SLC25A25: variants seen among roughly 807,000 people sequenced by gnomAD.
The protein encoded by SLC25A25 is solute carrier family 25 member 25.
SLC25A25 carries 32 observed loss-of-function variants against 57.7 expected under a neutral mutation model. The observed-to-expected ratio is 0.55, with a 90% confidence interval of 0.42 to 0.74. SLC25A25 has a LOEUF of 0.74. Ranked by LOEUF, SLC25A25 falls within the 30% of genes least tolerant of loss-of-function variation. SLC25A25 has a pLI of 0.00. For synonymous variants in SLC25A25, 306 were observed against 291.2 expected, an observed-to-expected ratio of 1.05 and a Z score of -0.52; for missense variants, 556 against 701.3, an observed-to-expected ratio of 0.79 and a Z score of 2.34.
At chr9:128,084,260 A>AT (rs58266648) in intron 1 of SLC25A25, among the ~76,000 whole-genome samples, 58 of 140,350 alleles carry the variant, frequency 4.1e-4, no homozygotes, top group African/African-American at 1.3e-3. Context: ...ATTAAAACAG[A>AT]TTTTTTTTTT....
intron 6 of SLC25A25, among the ~76,000 whole-genome samples, chr9:128,105,526 A>G (rs774200609): frequency 1.1e-4 from 17 of 152,140 alleles, no homozygotes; most frequent in Non-Finnish European, 7.4e-5. Context: ...GCTGGCAACC[A>G]GCAGATACCC....
chr9:128,089,178 C>T (rs1454100031), intron 1 of SLC25A25, among the ~76,000 whole-genome samples: 1 of 152,138 alleles, frequency 6.6e-6, no homozygotes, highest in African/African-American at 2.4e-5. Flanking sequence ...AGACGTGAAC[C>T]ACCACTCCTG....
At chr9:128,088,573 G>A (rs1384318580) in intron 1 of SLC25A25, among the ~76,000 whole-genome samples, 1 of 152,190 alleles carries the variant, frequency 6.6e-6, no homozygotes, top group African/African-American at 2.4e-5. Flanking sequence ...GCAGGAAGCT[G>A]GGGCAATGGG....
rs375090418 is a variant in SLC25A25 at position 128,077,449 on chromosome 9, G to A, written c.261+8869G>A. Among the ~76,000 whole-genome samples the A allele has an allele frequency of 1.5e-4, 22 of 149,324 alleles. No individual in the cohort carries two copies. The East Asian group carries it at 2.6e-3, about 17-fold the overall frequency. ...GGAGAATGGCGTGAACCCGGGAGGC[G>A]GAGCTTGCAGTGAGCCGAGATCGCG... On this transcript the variant is annotated intron_variant, in intron 1 of 10. Coordinates refer to ENST00000373069, the MANE Select transcript of SLC25A25 (RefSeq NM_001330988.2).
chr9:128,084,455 G>C (rs1014838121), intron 1 of SLC25A25, among the ~76,000 whole-genome samples: 2 of 151,934 alleles, frequency 1.3e-5, no homozygotes, highest in Non-Finnish European at 2.9e-5. Flanking sequence ...GAGCCACCGC[G>C]CCTGGCCTGA....
chr9:128,102,436 C>A lies in SLC25A25; in HGVS notation c.579C>A (p.Pro193=), dbSNP rs576891746. Residue 193 remains proline, a synonymous_variant, in exon 5 of 11, where the codon CCC becomes CCA. Transcript: ENST00000373069. The surrounding 1 kb of genome is among the most constrained non-coding windows in gnomAD (Gnocchi z 4.1). ...GGAGAGACTACCACCTCCTCCACCC[C>A]GTGGAAAACATCCCCGAGATCATCC... ...NEWRDYHLLH[P]VENIPEIILY... 3 of 1,613,916 alleles carry A rather than the reference C, an allele frequency of 1.9e-6. No homozygotes were observed. Among genetic ancestry groups the A allele is most frequent in the Non-Finnish European group, 2.5e-6 (3 of 1,179,988 alleles).
At position 128,107,397 on chromosome 9, in the gene SLC25A25, G is replaced by T. The variant is rs755047936; in HGVS notation, c.1501G>T (p.Val501Leu). ...CATCCCAGCTGTGAGCATCAGCTAC[G>T]TGGTCTACGAGAACCTGAAGATCAC... Reference protein sequence around the residue: ...KVIPAVSISYVVYENLKITLG... With the variant: ...KVIPAVSISYLVYENLKITLG... The change falls in exon 11 of 11, where the codon GTG (valine) becomes TTG (leucine). Residue 501 changes from valine (V) to leucine (L), a missense_variant. By Grantham distance (32) the Val-to-Leu change is conservative. Transcript: ENST00000373069. The T allele has an allele frequency of 1.3e-6, 2 of 1,510,842 alleles. No individual in the cohort carries two copies. Among genetic ancestry groups the T allele is most frequent in the Non-Finnish European group, 1.8e-6 (2 of 1,128,660 alleles). The allele number at this position is 1,510,842 out of a possible 1,614,324, so 93.6% of individuals were successfully genotyped here. A position where few individuals can be genotyped will look rare whatever the true frequency, so the allele number is the denominator to read the frequency against.
intron 1 of SLC25A25, among the ~76,000 whole-genome samples, chr9:128,093,895 A>G (rs972231638): frequency 6.6e-6 from 1 of 152,212 alleles, no homozygotes; most frequent in Admixed American, 6.5e-5. Context: ...CATGCCTGTA[A>G]TCCCAGCACT....
chr9:128,106,055 G>T (rs966863309), intron 7 of SLC25A25, 95 bp from the exon 8 acceptor site: 9 of 1,554,932 alleles, frequency 5.8e-6, no homozygotes, highest in Non-Finnish European at 7.1e-6. Flanking sequence ...TTTCTGGGTA[G>T]CATAAAATGT....
At chr9:128,096,754 A>G (rs1401635243) in intron 1 of SLC25A25, among the ~76,000 whole-genome samples, 1 of 152,226 alleles carries the variant, frequency 6.6e-6, no homozygotes, top group Non-Finnish European at 1.5e-5. Context: ...AGAGCCTTCT[A>G]CCTTCAAGGA....
At chr9:128,085,273 G>A (rs1026237436) in intron 1 of SLC25A25, among the ~76,000 whole-genome samples, 39 of 151,936 alleles carry the variant, frequency 2.6e-4, no homozygotes, top group South Asian at 8.3e-4. Flanking sequence ...GGAGGTTGTA[G>A]TGAACCAAGA....
Position 128,084,260 on chromosome 9 carries a change from ATTTT to A in SLC25A25, c.261+15697_261+15700del, listed in dbSNP as rs58266648. Among the ~76,000 whole-genome samples, 508 of 140,198 alleles carry A rather than the reference ATTTT, an allele frequency of 3.6e-3. 2 individuals carry two copies. The highest frequency in any genetic ancestry group is 0.011 in the South Asian group (47 of 4,314). 92.0% of individuals were successfully genotyped at this position (140,198 alleles called of 152,430 possible). On this transcript the variant is annotated intron_variant, in intron 1 of 10. Coordinates refer to ENST00000373069, the MANE Select transcript of SLC25A25 (RefSeq NM_001330988.2). ...CCGACCAGCATTAACATTAAAACAGATTTTTTTTTTTTTTTTTTTTGATACAGTC... is the reference window on the plus strand; with the variant it reads ...CCGACCAGCATTAACATTAAAACAGATTTTTTTTTTTTTTTTGATACAGTC...
chr9:128,097,584 A>T (rs1196425688), intron 1 of SLC25A25, among the ~76,000 whole-genome samples: 2 of 152,156 alleles, frequency 1.3e-5, no homozygotes, highest in Non-Finnish European at 1.5e-5. Flanking sequence ...GTGTGCCACC[A>T]CGCCTGGCTA....
Position 128,101,331 on chromosome 9 carries a change from C to G in SLC25A25, c.411C>G (p.Ile137Met). The G allele has an allele frequency of 1.9e-6, 3 of 1,614,272 alleles. No homozygotes were observed. Among genetic ancestry groups the G allele is most frequent in the Non-Finnish European group, 2.5e-6 (3 of 1,180,050 alleles). The stretch of plus-strand genomic sequence containing the variant: ...CAGGACGCATTGACGCGCAGGAGAT[C>G]ATGCAGTCCCTGCGGGACTTGGGAG... ...KNDGRIDAQE[I>M]MQSLRDLGVK... is the part of the protein sequence containing the mutation. Residue 137 changes from isoleucine (I) to methionine (M), a missense_variant, in exon 3 of 11, where the codon ATC becomes ATG. Transcript: ENST00000373069. The surrounding 1 kb of genome is among the most constrained non-coding windows in gnomAD (Gnocchi z 4.9).
chr9:128,101,363 T>C lies in SLC25A25; in HGVS notation c.443T>C (p.Ile148Thr), dbSNP rs1197554965. 6.2e-7 allele frequency: 1 copy of C among 1,614,244 alleles called. No individual in the cohort carries two copies. The highest frequency in any genetic ancestry group is 1.7e-5 in the Admixed American group (1 of 60,032). The change falls in exon 3 of 11, where the codon ATA (isoleucine) becomes ACA (threonine). Residue 148 changes from isoleucine to threonine, a missense_variant. Physicochemically the swap from Ile to Thr is moderately conservative, Grantham distance 89. Coordinates refer to ENST00000373069, the MANE Select transcript of SLC25A25 (RefSeq NM_001330988.2). The surrounding 1 kb of genome is among the most constrained non-coding windows in gnomAD (Gnocchi z 4.9). ...MQSLRDLGVKISEQQAEKILK... is the reference protein window; with the variant it reads ...MQSLRDLGVKTSEQQAEKILK... ...TCCCTGCGGGACTTGGGAGTCAAGATATCTGAACAGCAGGCAGAAAAAATT... is the reference window on the plus strand; with the variant it reads ...TCCCTGCGGGACTTGGGAGTCAAGACATCTGAACAGCAGGCAGAAAAAATT...
In SLC25A25 at chr9:128,107,117, G is replaced by C; in HGVS notation, c.1301G>C (p.Ser434Thr). Residue 434 changes from serine to threonine, a missense_variant, in exon 10 of 11, where the codon AGT becomes ACT. By Grantham distance (58) the Ser-to-Thr change is moderately conservative. This residue lies in a region of SLC25A25 where 294 missense variants were observed against 389.6 expected (regional missense o/e 0.75). Coordinates refer to ENST00000373069, the MANE Select transcript of SLC25A25 (RefSeq NM_001330988.2). ...CTCCTGGCCTGTGGCACCATGTCCA[G>C]TACCTGTGGCCAGCTGGCCAGCTAC... is the stretch of plus-strand genomic sequence containing the variant. Reference protein sequence around the residue: ...FVLLACGTMSSTCGQLASYPL... With the variant: ...FVLLACGTMSTTCGQLASYPL... 6.2e-7 allele frequency: 1 copy of C among 1,614,082 alleles called. No individual in the cohort carries two copies. The highest frequency in any genetic ancestry group is 8.5e-7 in the Non-Finnish European group (1 of 1,180,042).
chr9:128,106,683 C>T (rs988854257), intron 9 of SLC25A25, among the ~76,000 whole-genome samples, 163 bp downstream of exon 9: 10 of 152,192 alleles, frequency 6.6e-5, no homozygotes, highest in African/African-American at 2.4e-4. Context: ...CTGCCTGCCC[C>T]TGGCAGACCC....
At chr9:128,092,917 A>G (rs927744202) in intron 1 of SLC25A25, among the ~76,000 whole-genome samples, 1 of 152,170 alleles carries the variant, frequency 6.6e-6, no homozygotes, top group African/African-American at 2.4e-5. Flanking sequence ...AGTGCTCAGT[A>G]TTAGAAAGGA....
Position 128,105,860 on chromosome 9 carries a change from C to G in SLC25A25, c.915C>G (p.Ile305Met). 3.1e-6 allele frequency: 5 copies of G among 1,614,190 alleles called. No homozygotes were observed. Among genetic ancestry groups the G allele is most frequent in the Non-Finnish European group, 4.2e-6 (5 of 1,180,042 alleles). ...NVLKIAPESAIKFMAYEQIKR... is the reference protein window; with the variant it reads ...NVLKIAPESAMKFMAYEQIKR... Reference sequence around the variant, plus strand: ...TCAAAATTGCCCCCGAATCAGCCATCAAATTCATGGCCTATGAGCAGGTGA... The same window carrying G: ...TCAAAATTGCCCCCGAATCAGCCATGAAATTCATGGCCTATGAGCAGGTGA... Residue 305 changes from isoleucine (I) to methionine (M), a missense_variant, in exon 7 of 11, where the codon ATC (isoleucine) becomes ATG (methionine). Physicochemically the swap from Ile to Met is conservative, Grantham distance 10. Around this residue, in one of 3 missense-constraint regions of SLC25A25, gnomAD observed 294 missense variants for 389.6 expected, o/e 0.75. Transcript: ENST00000373069.
Sources: gnomAD v4.1 joint callset for allele counts (sites outside exome capture counted in the v4.1 genomes callset) on GRCh38, gnomAD v4.1.1 for gene constraint, gnomAD v4.1.1 regional missense constraint, Gnocchi (gnomAD v3.1) non-coding constraint, MANE v1.5 for transcripts, NCBI Gene and HGNC (gene_info 2026-07-23, HGNC 2026-07-21) for gene names.